The following DAB1 variants were observed in gnomAD, a reference collection of about 807,000 sequenced individuals.
DAB1 encodes the protein DAB adaptor protein 1.
A neutral mutation model predicts 64.6 loss-of-function variants in DAB1; 15 were observed. The ratio of observed to expected loss-of-function variants is 0.23; its 90% CI spans 0.16 to 0.36. DAB1 has a LOEUF of 0.36. Ranked by LOEUF, DAB1 falls within the 10% of genes least tolerant of loss-of-function variation. The probability of loss-of-function intolerance (pLI) is 1.00; values close to 1 mark genes in which losing one functional copy is unlikely to be tolerated. For missense variants in DAB1, 596 were observed against 706.7 expected (o/e 0.84, Z 1.78); for synonymous variants, 235 against 251.9 (o/e 0.93, Z 0.64).
At chr1:57,690,240 G>C (rs1304222751) in intron 6 of DAB1, among the ~76,000 whole-genome samples, 2 of 152,134 alleles carry the variant, frequency 1.3e-5, no homozygotes, top group Non-Finnish European at 2.9e-5. Flanking sequence ...TAACTCTTCA[G>C]TATACTGATT....
intron 2 of DAB1, among the ~76,000 whole-genome samples, chr1:57,187,833 A>AAGAG (rs138251089): frequency 4.0e-5 from 6 of 150,138 alleles, no homozygotes; most frequent in African/African-American, 1.2e-4. Context: ...GAGTCACTGA[A>AAGAG]AGAGAGAGAG....
At position 58,094,348 on chromosome 1, in the gene DAB1, G is replaced by C. The variant is rs114190963; in HGVS notation, n.387+56163C>G. Among the ~76,000 whole-genome samples the C allele has an allele frequency of 2.1e-3, 326 of 152,216 alleles. 2 individuals carry two copies. The highest frequency in any genetic ancestry group is 7.4e-3 in the African/African-American group (308 of 41,512). On this transcript the variant is annotated intron_variant and non_coding_transcript_variant, in intron 5 of 20. Transcript: ENST00000485760. ...CTTTGAGTGGATTGTTTTCCTGATTGGACCCTGACTGATACAGGTAGGCAC... is the reference window on the plus strand; with the variant it reads ...CTTTGAGTGGATTGTTTTCCTGATTCGACCCTGACTGATACAGGTAGGCAC...
At chr1:57,154,147 T>C (rs960023658) in intron 2 of DAB1, among the ~76,000 whole-genome samples, 3 of 152,190 alleles carry the variant, frequency 2.0e-5, no homozygotes, top group African/African-American at 7.2e-5. Flanking sequence ...TAGTAGAACT[T>C]ATTCTATTTT....
At chr1:58,109,603 A>G (rs1651859048) in intron 5 of DAB1, among the ~76,000 whole-genome samples, 1 of 151,960 alleles carries the variant, frequency 6.6e-6, no homozygotes, top group African/African-American at 2.4e-5. Flanking sequence ...TAGTAGCCTA[A>G]AAAAAGCTAG....
At chr1:57,570,175 C>G (rs1645177668) in intron 7 of DAB1, among the ~76,000 whole-genome samples, 1 of 152,080 alleles carries the variant, frequency 6.6e-6, no homozygotes, top group Non-Finnish European at 1.5e-5. Context: ...AATCAGCTGC[C>G]AGCGAAGCTA....
chr1:58,114,197 G>A (rs369210044), intron 5 of DAB1, among the ~76,000 whole-genome samples: 3 of 152,204 alleles, frequency 2.0e-5, no homozygotes, highest in East Asian at 1.9e-4. Flanking sequence ...AGGTGGTGGA[G>A]GTTGCAGTGA....
At chr1:57,559,000 G>A (rs1293331974) in intron 7 of DAB1, among the ~76,000 whole-genome samples, 4 of 152,126 alleles carry the variant, frequency 2.6e-5, no homozygotes, top group African/African-American at 9.7e-5. Context: ...TCTAACAGTG[G>A]GAACCAAAGT....
intron 7 of DAB1, among the ~76,000 whole-genome samples, chr1:57,434,816 C>T (rs1380080517): frequency 6.6e-6 from 1 of 151,990 alleles, no homozygotes; most frequent in African/African-American, 2.4e-5. Flanking sequence ...ACAAAATGTA[C>T]AGTAAAAATA....
At chr1:58,160,193 G>T (rs1465662490) in intron 4 of DAB1, among the ~76,000 whole-genome samples, 1 of 152,124 alleles carries the variant, frequency 6.6e-6, no homozygotes, top group African/African-American at 2.4e-5. Context: ...TAGGCCAGGG[G>T]GTAAGGAGGG....
chr1:57,543,979 G>A (rs1274860042), intron 7 of DAB1, among the ~76,000 whole-genome samples: 1 of 152,090 alleles, frequency 6.6e-6, no homozygotes. Flanking sequence ...ATGGTGGCAT[G>A]GACCTGTAGT....
At chr1:58,255,171 A>G (rs1431324709) in intron 4 of DAB1, among the ~76,000 whole-genome samples, 1 of 142,608 alleles carries the variant, frequency 7.0e-6, no homozygotes, top group Non-Finnish European at 1.5e-5. Context: ...GCATTTTTTC[A>G]TGTATTTTTT....
At chr1:57,518,671 G>A (rs1019017268) in intron 7 of DAB1, among the ~76,000 whole-genome samples, 2 of 152,148 alleles carry the variant, frequency 1.3e-5, no homozygotes, top group East Asian at 1.9e-4. Flanking sequence ...CTGCTTTGGC[G>A]TCAGTAGAGT....
intron 1 of DAB1, among the ~76,000 whole-genome samples, chr1:57,335,740 G>A (rs746177830): frequency 2.6e-5 from 4 of 152,142 alleles, no homozygotes; most frequent in Admixed American, 6.5e-5. Context: ...TTAAAAGGTC[G>A]AGAATCCACA....
At chr1:57,781,677 T>C (rs1470159109) in intron 6 of DAB1, among the ~76,000 whole-genome samples, 3 of 145,910 alleles carry the variant, frequency 2.1e-5, no homozygotes, top group East Asian at 4.1e-4. Context: ...GGAATAGTTA[T>C]CAAGGTAGGA....
chr1:57,117,652 C>T (rs1656260091), intron 4 of DAB1, among the ~76,000 whole-genome samples: 1 of 152,164 alleles, frequency 6.6e-6, no homozygotes, highest in African/African-American at 2.4e-5. Flanking sequence ...AAACTGAGTT[C>T]CAGGGCATTT....
At chr1:58,307,235 T>C (rs139233505) in intron 4 of DAB1, among the ~76,000 whole-genome samples, 1 of 152,340 alleles carries the variant, frequency 6.6e-6, no homozygotes, top group Non-Finnish European at 1.5e-5. Context: ...AGTCATCTAG[T>C]TCTGTTCCAT....
intron 3 of DAB1, among the ~76,000 whole-genome samples, chr1:58,432,916 C>T (rs1467359325): frequency 6.6e-6 from 1 of 152,230 alleles, no homozygotes; most frequent in Non-Finnish European, 1.5e-5. Flanking sequence ...GTGACGACAT[C>T]AGGGAAGAGG....
intron 1 of DAB1, among the ~76,000 whole-genome samples, chr1:57,303,672 CA>C: frequency 6.7e-6 from 1 of 148,686 alleles, no homozygotes; most frequent in African/African-American, 2.5e-5. Context: ...AACAAACAAA[CA>C]AAAAAAAACA....
intron 5 of DAB1, among the ~76,000 whole-genome samples, chr1:58,067,784 A>G (rs2100563624): frequency 6.6e-6 from 1 of 152,364 alleles, no homozygotes; most frequent in Non-Finnish European, 1.5e-5. Flanking sequence ...GGCCTCAACC[A>G]GTTCATCTGT....
Sources: gnomAD v4.1 joint callset for allele counts (sites outside exome capture counted in the v4.1 genomes callset) on GRCh38, gnomAD v4.1.1 for gene constraint, MANE v1.5 for transcripts, NCBI Gene and HGNC (gene_info 2026-07-23, HGNC 2026-07-21) for gene names.